Variants in SH3PXD2B observed in about 807,000 individuals in gnomAD.
SH3PXD2B encodes SH3 and PX domain-containing protein 2B.
Under a neutral mutation model 73.1 loss-of-function variants are expected in SH3PXD2B, and 37 were observed. That is an observed-to-expected ratio of 0.51 (90% confidence interval 0.39 to 0.67). The LOEUF (loss-of-function observed/expected upper bound fraction) is 0.67. Ranked by LOEUF, SH3PXD2B falls within the 30% of genes least tolerant of loss-of-function variation. The probability of loss-of-function intolerance (pLI) is 0.00; values close to 1 mark genes in which losing one functional copy is unlikely to be tolerated. For missense variants in SH3PXD2B, 1,053 were observed against 1,197.8 expected, an observed-to-expected ratio of 0.88 and a Z score of 1.78; for synonymous variants, 457 against 480.5, an observed-to-expected ratio of 0.95 and a Z score of 0.64.
chr5:172,450,875 A>G (rs1267899047), intron 1 of SH3PXD2B, among the ~76,000 whole-genome samples: 1 of 152,232 alleles, frequency 6.6e-6, no homozygotes, highest in Non-Finnish European at 1.5e-5. Flanking sequence ...ATGCTGGCAG[A>G]GAAAGGCAGG....
intron 8 of SH3PXD2B, chr5:172,356,801 G>C (rs1165441659): frequency 1.3e-5 from 2 of 152,586 alleles, no homozygotes; most frequent in Non-Finnish European, 2.9e-5. Flanking sequence ...TGGGAGGAAG[G>C]GCAGAGGGCA....
intron 12 of SH3PXD2B, among the ~76,000 whole-genome samples, chr5:172,325,851 G>A (rs1009151153): frequency 6.6e-6 from 1 of 152,286 alleles, no homozygotes; most frequent in East Asian, 1.9e-4. Context: ...GCAATGACAC[G>A]ATCTCCGCTC....
In SH3PXD2B at chr5:172,337,102, A is replaced by C. The variant is rs1442309458; in HGVS notation, c.*1267T>G. 1.0e-6 allele frequency: 1 copy of C among 985,226 alleles called. No individual in the cohort carries two copies. The highest frequency in any genetic ancestry group is 6.1e-5 in the Admixed American group (1 of 16,262). The allele number at this position is 985,226 out of a possible 1,614,324, so 61.0% of individuals were successfully genotyped here. ...CAGGGGGCAACAGCTTAGAAGAGGG[A>C]ACAGGGCTCTGTGTCAACCACCAGG... is the stretch of plus-strand genomic sequence containing the variant. On this transcript the variant is annotated 3_prime_UTR_variant, in exon 13 of 13. Transcript: ENST00000311601.
In SH3PXD2B at chr5:172,336,529, G is replaced by GC. The variant is rs1167281818; in HGVS notation, c.*1839_*1840insG. The GC allele has an allele frequency of 1.0e-6, 1 of 985,660 alleles. No individual in the cohort carries two copies. The highest frequency in any genetic ancestry group is 1.2e-6 in the Non-Finnish European group (1 of 829,970). The allele number at this position is 985,660 out of a possible 1,614,324, so 61.1% of individuals were successfully genotyped here. A position where few individuals can be genotyped will look rare whatever the true frequency, so the allele number is the denominator to read the frequency against. On this transcript the variant is annotated 3_prime_UTR_variant, in exon 13 of 13. Transcript: ENST00000311601. ...TCACGCAGAAGCAGCCAGCACCCACGTGATAGGGGGTGGAGCTGGGAGGCG... is the reference window on the plus strand; with the variant it reads ...TCACGCAGAAGCAGCCAGCACCCACGCTGATAGGGGGTGGAGCTGGGAGGCG...
chr5:172,337,852 A>T lies in SH3PXD2B; in HGVS notation c.*517T>A. 7.0e-6 allele frequency: 7 copies of T among 1,004,548 alleles called. No individual in the cohort carries two copies. The highest frequency in any genetic ancestry group is 8.3e-6 in the Non-Finnish European group (7 of 840,768). 62.2% of individuals were successfully genotyped at this position (1,004,548 alleles called of 1,614,324 possible). The stretch of plus-strand genomic sequence containing the variant: ...TTCCCTGGAACTGGTAATGGAATGC[A>T]TTTCTTCAGGATGAAGTTCCTTCTG... On this transcript the variant is annotated 3_prime_UTR_variant, in exon 13 of 13. Transcript: ENST00000311601.
chr5:172,434,620 T>C (rs915163154), intron 1 of SH3PXD2B, among the ~76,000 whole-genome samples: 3 of 152,182 alleles, frequency 2.0e-5, no homozygotes, highest in Non-Finnish European at 4.4e-5. Context: ...GGGAATGTCC[T>C]CCAGTCTTAC....
At chr5:172,369,237 G>GTTTA (rs1757647411) in intron 6 of SH3PXD2B, among the ~76,000 whole-genome samples, 2 of 138,198 alleles carry the variant, frequency 1.4e-5, no homozygotes, top group Non-Finnish European at 3.1e-5. Context: ...TGTTTTGTTT[G>GTTTA]TTTTGTTTTT....
At chr5:172,399,509 G>A (rs1044968168) in intron 3 of SH3PXD2B, among the ~76,000 whole-genome samples, 5 of 152,124 alleles carry the variant, frequency 3.3e-5, no homozygotes, top group Non-Finnish European at 5.9e-5. Flanking sequence ...GGGAAAAGAC[G>A]TCCGCGTCAG....
At chr5:172,412,435 C>T (rs569052986) in intron 2 of SH3PXD2B, among the ~76,000 whole-genome samples, 32 of 152,356 alleles carry the variant, frequency 2.1e-4, no homozygotes, top group African/African-American at 6.7e-4. Flanking sequence ...GAGCAGCTGC[C>T]ATCCCGGACA....
intron 12 of SH3PXD2B, among the ~76,000 whole-genome samples, chr5:172,342,631 T>C (rs1371326245): frequency 6.6e-6 from 1 of 152,050 alleles, no homozygotes; most frequent in Non-Finnish European, 1.5e-5. Flanking sequence ...TGTGGTGGCA[T>C]GCGCCTGTAA....
chr5:172,332,994 G>A (rs1756591646), downstream of SH3PXD2B, among the ~76,000 whole-genome samples: 1 of 149,744 alleles, frequency 6.7e-6, no homozygotes, highest in Non-Finnish European at 1.5e-5. Flanking sequence ...GGAGCGCAGT[G>A]ACGTGATGTC....
In SH3PXD2B at chr5:172,339,884, G is replaced by A. The variant is rs201017228; in HGVS notation, c.1221C>T (p.Tyr407=). ...VIEKNLSGWW[Y]IQIEDKEGWA... is the part of the protein sequence containing the mutation. ...ACCCTTCCTTATCTTCAATCTGAAT[G>A]TACCACCAGCCACTCAAGTTTTTCT... Residue 407 remains tyrosine, a synonymous_variant, in exon 13 of 13, where the codon TAC becomes TAT. Coordinates refer to ENST00000311601, the MANE Select transcript of SH3PXD2B (RefSeq NM_001017995.3). This position sits in a 1 kb window ranked among gnomAD's most constrained non-coding sequence, Gnocchi z 6.1. The A allele has an allele frequency of 1.1e-5, 17 of 1,614,234 alleles. No individual in the cohort carries two copies. The East Asian group carries it at 2.0e-4, about 19-fold the overall frequency.
intron 9 of SH3PXD2B, among the ~76,000 whole-genome samples, chr5:172,351,755 T>G (rs941659739): frequency 1.3e-5 from 2 of 150,010 alleles, no homozygotes; most frequent in African/African-American, 2.5e-5. Flanking sequence ...ATTTAAGAAC[T>G]AAATAGCATT....
At chr5:172,329,057 GTGTA>G (rs1188730991), downstream of SH3PXD2B, among the ~76,000 whole-genome samples, 120 of 105,106 alleles carry the variant, frequency 1.1e-3, no homozygotes, top group African/African-American at 4.3e-3. Context: ...GTGTGTGTGT[GTGTA>G]TATATATATA....
At chr5:172,420,799 T>C (rs573502644) in intron 2 of SH3PXD2B, among the ~76,000 whole-genome samples, 1 of 152,288 alleles carries the variant, frequency 6.6e-6, no homozygotes, top group South Asian at 2.1e-4. Context: ...ACTTTTACCC[T>C]TTCCTGCTGG....
Position 172,353,987 on chromosome 5 carries a change from A to G in SH3PXD2B, c.686T>C (p.Ile229Thr), listed in dbSNP as rs763454697. The change falls in exon 9 of 13, where the codon ATC (isoleucine) becomes ACC (threonine). Residue 229 changes from isoleucine to threonine, a missense_variant. Physicochemically the swap from Ile to Thr is moderately conservative, Grantham distance 89 (BLOSUM62 -1). Coordinates refer to ENST00000311601, the MANE Select transcript of SH3PXD2B (RefSeq NM_001017995.3). This position sits in a 1 kb window ranked among gnomAD's most constrained non-coding sequence, Gnocchi z 4.3. ...CTGGTCCCGAGCTGTGTACGGGTAG[A>G]TGACTGTGTACTTCTCCTCTGTGGG... The part of the protein sequence containing the change: ...QPEEEEKYTV[I>T]YPYTARDQDE... The G allele has an allele frequency of 1.9e-6, 3 of 1,614,000 alleles. No homozygotes were observed. The African/African-American group carries it at 4.0e-5, about 22-fold the overall frequency.
rs374267700 is a variant in SH3PXD2B, at chr5:172,452,862, G to GA, written c.75+1415dup. On this transcript the variant is annotated intron_variant, in intron 1 of 12. Transcript: ENST00000311601. ...GTTAACAAAAAATAAAAAAAGGAAG[G>GA]AAAAAAAAAAGACAATTTAGCTCAG... Among the ~76,000 whole-genome samples, 29 of 147,826 alleles carry GA rather than the reference G, an allele frequency of 2.0e-4. No individual in the cohort carries two copies. The East Asian group carries it at 3.5e-3, about 18-fold the overall frequency.
At chr5:172,405,615 G>T (rs1758535514) in intron 3 of SH3PXD2B, among the ~76,000 whole-genome samples, 1 of 152,200 alleles carries the variant, frequency 6.6e-6, no homozygotes, top group Non-Finnish European at 1.5e-5. Flanking sequence ...GTGGAGGCTG[G>T]AAGTAGACTT....
chr5:172,425,450 A>G (rs981627976), intron 1 of SH3PXD2B, among the ~76,000 whole-genome samples: 1 of 152,154 alleles, frequency 6.6e-6, no homozygotes, highest in Non-Finnish European at 1.5e-5. Context: ...AGCCTATCTG[A>G]GGAGGCAACC....
Sources: allele counts gnomAD v4.1 joint callset (sites outside exome capture counted in the v4.1 genomes callset), GRCh38; gene constraint gnomAD v4.1.1; non-coding constraint Gnocchi (gnomAD v3.1); transcripts MANE v1.5; gene names NCBI Gene and HGNC (gene_info 2026-07-23, HGNC 2026-07-21).